Variants in FAM169A observed in about 807,000 individuals in gnomAD.
FAM169A encodes the protein soluble lamin-associated protein of 75 kDa.
A neutral mutation model predicts 75.7 loss-of-function variants in FAM169A; 24 were observed. That is an observed-to-expected ratio of 0.32 (90% CI 0.23 to 0.45). The LOEUF (loss-of-function observed/expected upper bound fraction) is 0.45, where lower values mean the gene tolerates loss of function less well. Ranked by LOEUF, FAM169A falls within the 20% of genes least tolerant of loss-of-function variation. The pLI, the probability that FAM169A is intolerant of heterozygous loss-of-function variation, is 1.00. For synonymous variants in FAM169A, 271 were observed against 271.0 expected (o/e 1.00, Z 0.00); for missense variants, 673 against 784.0 (o/e 0.86, Z 1.69).
intron 5 of FAM169A, among the ~76,000 whole-genome samples, chr5:74,833,566 G>T (rs543681069): frequency 1.3e-5 from 2 of 152,278 alleles, no homozygotes; most frequent in South Asian, 4.1e-4. Context: ...TGGGATCAAG[G>T]TATCAGTCAC....
chr5:74,859,422 T>C (rs1580177127), intron 1 of FAM169A, among the ~76,000 whole-genome samples: 1 of 150,640 alleles, frequency 6.6e-6, no homozygotes, highest in East Asian at 2.0e-4. Flanking sequence ...CCTGAGTAGC[T>C]GGGATTACAG....
At chr5:74,804,686 G>T in intron 7 of FAM169A, 81 bp from the exon 8 acceptor site, 1 of 731,652 alleles carries the variant, frequency 1.4e-6, no homozygotes, top group Non-Finnish European at 2.3e-6. Context: ...TTTCCTAAAA[G>T]CTCTGAAGAG....
chr5:74,784,740 A>C (rs1311938958), intron 11 of FAM169A, among the ~76,000 whole-genome samples: 1 of 150,490 alleles, frequency 6.6e-6, no homozygotes, highest in Non-Finnish European at 1.5e-5. Flanking sequence ...AACATGGTGA[A>C]ACTCCGTCTC....
At chr5:74,793,916 T>C (rs893806095) in intron 11 of FAM169A, among the ~76,000 whole-genome samples, 36 of 142,026 alleles carry the variant, frequency 2.5e-4, no homozygotes, top group Non-Finnish European at 3.9e-4. Flanking sequence ...GGCAGGAGAA[T>C]GGCATGAACC....
At chr5:74,785,337 C>G (rs1211859766) in intron 11 of FAM169A, among the ~76,000 whole-genome samples, 2 of 152,036 alleles carry the variant, frequency 1.3e-5, no homozygotes, top group Non-Finnish European at 2.9e-5. Flanking sequence ...AAAAAGAAAA[C>G]CCCACAAATA....
chr5:74,829,538 A>C (rs1467308999), intron 5 of FAM169A, among the ~76,000 whole-genome samples: 1 of 152,154 alleles, frequency 6.6e-6, no homozygotes, highest in Non-Finnish European at 1.5e-5. Context: ...TTAAATAGAA[A>C]ACTAAAATAC....
chr5:74,800,039 T>G lies in FAM169A; in HGVS notation c.1103+841A>C. 5.4e-6 allele frequency: 4 copies of G among 738,700 alleles called. No individual in the cohort carries two copies. In the South Asian group the frequency reaches 5.5e-5, roughly 10 times the overall value. 45.8% of individuals were successfully genotyped at this position (738,700 alleles called of 1,614,324 possible). A position where few individuals can be genotyped will look rare whatever the true frequency, so the allele number is the denominator to read the frequency against. The stretch of plus-strand genomic sequence containing the variant: ...GCAAATATTGCACTACTGGCATCGA[T>G]GGAGAGCCATGACAATTTGGGATTT... On this transcript the variant is annotated intron_variant, in intron 10 of 12. Coordinates refer to ENST00000687041, the MANE Select transcript of FAM169A (RefSeq NM_001376049.1).
rs556632492 is a variant in FAM169A, at chr5:74,831,985, C to T, written c.490+2441G>A. On this transcript the variant is annotated intron_variant, in intron 5 of 12. Coordinates refer to ENST00000687041, the MANE Select transcript of FAM169A (RefSeq NM_001376049.1). ...TTACGTTAAGTAAACAACTGTTGGT[C>T]AAGGAAGTAAAAACTTATTTTACCA... is the stretch of plus-strand genomic sequence containing the variant. Among the ~76,000 whole-genome samples, 146 of 152,102 alleles carry T rather than the reference C, an allele frequency of 9.6e-4. 1 individual carries two copies. The highest frequency in any genetic ancestry group is 3.3e-3 in the African/African-American group (139 of 41,520).
At chr5:74,791,909 CATGAGT>C (rs1580080748) in intron 11 of FAM169A, among the ~76,000 whole-genome samples, 1 of 152,232 alleles carries the variant, frequency 6.6e-6, no homozygotes. Context: ...CTGTAATTGT[CATGAGT>C]ATTTCTTCCT....
chr5:74,815,151 T>C (rs1747403680), intron 5 of FAM169A, among the ~76,000 whole-genome samples: 1 of 152,258 alleles, frequency 6.6e-6, no homozygotes, highest in African/African-American at 2.4e-5. Context: ...GAATAGGTAA[T>C]GCATATGGTA....
chr5:74,858,404 A>G (rs778319278), intron 1 of FAM169A, among the ~76,000 whole-genome samples: 1 of 152,164 alleles, frequency 6.6e-6, no homozygotes, highest in Non-Finnish European at 1.5e-5. Flanking sequence ...ACAAAAAAAC[A>G]AACAAAAACA....
intron 5 of FAM169A, among the ~76,000 whole-genome samples, chr5:74,832,525 TTAA>T (rs1294865406): frequency 4.0e-5 from 6 of 151,396 alleles, no homozygotes; most frequent in Non-Finnish European, 8.9e-5. Context: ...ACAAATCTTC[TTAA>T]TAAAGATTTT....
intron 4 of FAM169A, among the ~76,000 whole-genome samples, chr5:74,837,742 T>C (rs1236795328): frequency 6.6e-6 from 1 of 152,174 alleles, no homozygotes; most frequent in Non-Finnish European, 1.5e-5. Context: ...CCTGCGAATC[T>C]GACAAGTTTT....
At chr5:74,782,111 G>A (rs1407418991) in intron 12 of FAM169A, 103 bp from the exon 13 acceptor site, 5 of 850,754 alleles carry the variant, frequency 5.9e-6, no homozygotes, top group African/African-American at 1.7e-5. Context: ...ATTTAATTCG[G>A]TATTCATTAC....
At chr5:74,811,910 GAC>G (rs1276545968) in intron 6 of FAM169A, among the ~76,000 whole-genome samples, 1 of 152,186 alleles carries the variant, frequency 6.6e-6, no homozygotes, top group African/African-American at 2.4e-5. Context: ...AAAGCAACCT[GAC>G]ACATTGTTTG....
intron 5 of FAM169A, among the ~76,000 whole-genome samples, chr5:74,831,378 C>A (rs1748303348): frequency 6.6e-6 from 1 of 152,008 alleles, no homozygotes; most frequent in Non-Finnish European, 1.5e-5. Flanking sequence ...AAAAGCTGTC[C>A]CAATTATTTC....
intron 5 of FAM169A, among the ~76,000 whole-genome samples, chr5:74,833,509 T>G (rs1171501997): frequency 6.6e-6 from 1 of 152,146 alleles, no homozygotes; most frequent in Non-Finnish European, 1.5e-5. Flanking sequence ...TGACCTTCCT[T>G]TTATGGACTA....
chr5:74,813,420 G>A (rs757597030), intron 6 of FAM169A, among the ~76,000 whole-genome samples: 29 of 151,974 alleles, frequency 1.9e-4, no homozygotes, highest in Non-Finnish European at 2.6e-4. Context: ...TCTGCCTCCC[G>A]GATTCAAGCA....
intron 1 of FAM169A, among the ~76,000 whole-genome samples, chr5:74,862,890 T>C (rs1750111708): frequency 6.6e-6 from 1 of 152,158 alleles, no homozygotes; most frequent in African/African-American, 2.4e-5. Context: ...ATAGACTCCG[T>C]GACAGTAGGG....
Sources: allele counts gnomAD v4.1 joint callset (sites outside exome capture counted in the v4.1 genomes callset), GRCh38; gene constraint gnomAD v4.1.1; transcripts MANE v1.5; gene names NCBI Gene and HGNC (gene_info 2026-07-23, HGNC 2026-07-21).